The following CDH2 variants were observed in gnomAD, a reference collection of about 807,000 sequenced individuals.
The protein encoded by CDH2 is cadherin-2.
A neutral mutation model predicts 92.0 loss-of-function variants in CDH2; 17 were observed. The ratio of observed to expected loss-of-function variants is 0.18; its 90% CI spans 0.13 to 0.28. The LOEUF is 0.28. Among genes scored for constraint, CDH2 ranks in the 10% least tolerant of loss-of-function variants. The pLI is 1.00. For missense variants in CDH2, 862 were observed against 1,133.1 expected, an observed-to-expected ratio of 0.76 and a Z score of 3.44; for synonymous variants, 419 against 415.9, an observed-to-expected ratio of 1.01 and a Z score of -0.09.
At chr18:28,134,307 A>G (rs1161489294) in intron 2 of CDH2, among the ~76,000 whole-genome samples, 2 of 152,166 alleles carry the variant, frequency 1.3e-5, no homozygotes, top group African/African-American at 4.8e-5. Flanking sequence ...TTCGTGGCTT[A>G]AAGTATGCTG....
At chr18:28,056,969 GTGT>G (rs2144137816) in intron 2 of CDH2, among the ~76,000 whole-genome samples, 1 of 152,226 alleles carries the variant, frequency 6.6e-6, no homozygotes, top group South Asian at 2.1e-4. Flanking sequence ...TTTGGTTATT[GTGT>G]TGAATTATTG....
rs563374021 is a variant in CDH2, at chr18:28,097,393, G to A, written c.172+50280C>T. Among the ~76,000 whole-genome samples, 36 of 147,270 alleles carry A rather than the reference G, an allele frequency of 2.4e-4. 2 individuals carry two copies. In the South Asian group the frequency reaches 7.8e-3, roughly 32 times the overall value. On this transcript the variant is annotated intron_variant, in intron 2 of 15. Transcript: ENST00000269141. The stretch of plus-strand genomic sequence containing the variant: ...TTTTTTAAAAAAAAAAAAAAAAATG[G>A]AACTCACAGCCGGGTGCAGTGGCTA...
intron 6 of CDH2, among the ~76,000 whole-genome samples, chr18:28,005,076 G>A (rs1407372397): frequency 6.6e-6 from 1 of 152,156 alleles, no homozygotes; most frequent in African/African-American, 2.4e-5. Context: ...CGCCATCTCA[G>A]GAAGCCTGGT....
rs200593657 is a variant in CDH2 at position 28,003,026 on chromosome 18, T to C, written c.991A>G (p.Ile331Val). The C allele has an allele frequency of 6.2e-7, 1 of 1,614,040 alleles. No homozygotes were observed. Among genetic ancestry groups the C allele is most frequent in the Non-Finnish European group, 8.5e-7 (1 of 1,179,916 alleles). ...FTINNETGDI[I>V]TVAAGLDREK... ...CGATCAAGTCCAGCTGCCACTGTGA[T>C]GATGTCACCAGTCTCATTGTTGATT... The change falls in exon 7 of 16, where the codon ATC (isoleucine) becomes GTC (valine). Residue 331 changes from isoleucine to valine, a missense_variant. This residue lies in a region of CDH2 where 564 missense variants were observed against 722.2 expected (regional missense o/e 0.78). Coordinates refer to ENST00000269141, the MANE Select transcript of CDH2 (RefSeq NM_001792.5).
chr18:28,097,098 C>G (rs2015147458), intron 2 of CDH2: 1 of 152,186 alleles, frequency 6.6e-6, no homozygotes, highest in Non-Finnish European at 1.5e-5. Flanking sequence ...TAGAGTCCCC[C>G]TGAGGCATTA....
At chr18:28,112,971 T>C (rs2144257108) in intron 2 of CDH2, among the ~76,000 whole-genome samples, 1 of 152,154 alleles carries the variant, frequency 6.6e-6, no homozygotes, top group East Asian at 1.9e-4. Context: ...AAATCAACTT[T>C]GCTAAAATTT....
chr18:28,163,214 G>C (rs1449058744), intron 1 of CDH2, among the ~76,000 whole-genome samples: 1 of 152,192 alleles, frequency 6.6e-6, no homozygotes, highest in Non-Finnish European at 1.5e-5. Flanking sequence ...TTTTTTAAAT[G>C]TTGAGGTTTG....
chr18:28,087,718 C>A (rs1244013276), intron 2 of CDH2, among the ~76,000 whole-genome samples: 1 of 151,968 alleles, frequency 6.6e-6, no homozygotes, highest in Non-Finnish European at 1.5e-5. Flanking sequence ...CACATATTCA[C>A]CAATGCTCCA....
chr18:27,984,822 T>C (rs148498764), intron 13 of CDH2, among the ~76,000 whole-genome samples, 178 bp downstream of exon 13: 2 of 152,288 alleles, frequency 1.3e-5, no homozygotes, highest in African/African-American at 4.8e-5. Flanking sequence ...CTTGAAACAA[T>C]GCTCTGGGGT....
intron 14 of CDH2, among the ~76,000 whole-genome samples, chr18:27,973,877 T>G (rs1434653240): frequency 6.6e-6 from 1 of 152,126 alleles, no homozygotes; most frequent in Non-Finnish European, 1.5e-5. Flanking sequence ...AGAAGTCACA[T>G]GTGAAAGATG....
intron 2 of CDH2, among the ~76,000 whole-genome samples, chr18:28,081,510 T>C (rs1425581126): frequency 6.6e-6 from 1 of 152,248 alleles, no homozygotes; most frequent in Non-Finnish European, 1.5e-5. Context: ...TTTTATAAAC[T>C]AGCTGTAATA....
chr18:28,088,780 T>C (rs903438729), intron 2 of CDH2, among the ~76,000 whole-genome samples: 1 of 152,248 alleles, frequency 6.6e-6, no homozygotes, highest in African/African-American at 2.4e-5. Context: ...GGGGGCCTTC[T>C]ATGCATAGCA....
intron 2 of CDH2, among the ~76,000 whole-genome samples, chr18:28,054,045 G>A (rs1425379874): frequency 6.6e-6 from 1 of 152,148 alleles, no homozygotes; most frequent in Non-Finnish European, 1.5e-5. Flanking sequence ...TCTGTGCTGT[G>A]AGAGAGCACA....
chr18:27,954,305 T>A (rs1909603623), intron 15 of CDH2, among the ~76,000 whole-genome samples: 1 of 152,170 alleles, frequency 6.6e-6, no homozygotes, highest in Admixed American at 6.5e-5. Flanking sequence ...CCCTCAGTGA[T>A]TCACTGCTCT....
chr18:28,077,218 C>T lies in CDH2; in HGVS notation c.173-63309G>A, dbSNP rs45539939. On this transcript the variant is annotated intron_variant, in intron 2 of 15. Transcript: ENST00000269141. The stretch of plus-strand genomic sequence containing the variant: ...TACTAAAACTGGTAAAAGCCAACTA[C>T]TGAGTAATGGCATAGTATTCTGCTT... 1.5e-3 allele frequency among the ~76,000 whole-genome samples: 224 copies of T among 152,246 alleles called. 3 individuals are homozygous for T. The South Asian group carries it at 0.016, about 11-fold the overall frequency.
At chr18:28,090,402 A>C (rs1457072543) in intron 2 of CDH2, among the ~76,000 whole-genome samples, 3 of 152,172 alleles carry the variant, frequency 2.0e-5, no homozygotes, top group African/African-American at 7.2e-5. Context: ...AATCTCACCC[A>C]TCTCCTTCAT....
intron 14 of CDH2, among the ~76,000 whole-genome samples, chr18:27,979,924 A>G (rs952210252): frequency 6.6e-6 from 1 of 152,194 alleles, no homozygotes; most frequent in African/African-American, 2.4e-5. Context: ...TCTGGTTGGG[A>G]TAAAGTCATG....
intron 2 of CDH2, among the ~76,000 whole-genome samples, chr18:28,118,082 CT>C (rs368966128): frequency 6.6e-6 from 1 of 150,700 alleles, no homozygotes; most frequent in Admixed American, 6.7e-5. Flanking sequence ...ACACACTTTC[CT>C]TTTTTTCTGC....
intron 1 of CDH2, among the ~76,000 whole-genome samples, chr18:28,154,517 G>C (rs1468803212): frequency 6.6e-6 from 1 of 152,246 alleles, no homozygotes; most frequent in Non-Finnish European, 1.5e-5. Context: ...TGTAATAGGA[G>C]TTGAGGAGTT....
Sources: allele counts gnomAD v4.1 joint callset (sites outside exome capture counted in the v4.1 genomes callset), GRCh38; gene constraint gnomAD v4.1.1; regional missense constraint gnomAD v4.1.1; transcripts MANE v1.5; gene names NCBI Gene and HGNC (gene_info 2026-07-23, HGNC 2026-07-21).